The following SMG1 variants were observed in gnomAD, a reference collection of about 807,000 sequenced individuals.
SMG1 encodes the protein SMG1 nonsense mediated mRNA decay associated PI3K related kinase, also known as serine/threonine-protein kinase SMG1.
Under a neutral mutation model 419.9 loss-of-function variants are expected in SMG1, and 22 were observed. That is an observed-to-expected ratio of 0.05 (90% CI 0.04 to 0.07). The LOEUF (loss-of-function observed/expected upper bound fraction) is 0.07, where lower values mean the gene tolerates loss of function less well. Among genes scored for constraint, SMG1 ranks in the 10% least tolerant of loss-of-function variants. The pLI is 1.00. For missense variants in SMG1, 3,185 were observed against 4,342.0 expected (o/e 0.73, Z 7.49); for synonymous variants, 1,538 against 1,553.5 (o/e 0.99, Z 0.23).
At position 18,829,436 on chromosome 16, in the gene SMG1, G is replaced by A; in HGVS notation, c.9453C>T (p.Phe3151=). The A allele has an allele frequency of 1.2e-6, 2 of 1,614,020 alleles. No homozygotes were observed. Among genetic ancestry groups the A allele is most frequent in the Non-Finnish European group, 1.7e-6 (2 of 1,179,902 alleles). The change falls in exon 54 of 63, where the codon TTC becomes TTT. Residue 3151 remains phenylalanine, a synonymous_variant. Coordinates refer to ENST00000446231, the MANE Select transcript of SMG1 (RefSeq NM_015092.5). The stretch of plus-strand genomic sequence containing the variant: ...TTGCCCTGTTCATAACCAGCTGAGA[G>A]AACTTCCCTATCTGGATGTTATGTT... ...AVEHNIQIGK[F]SQLVMNRATV...
In SMG1 at chr16:18,850,095, T is replaced by A. The variant is rs1183394245; in HGVS notation, c.5315A>T (p.His1772Leu). 4 of 1,613,856 alleles carry A rather than the reference T, an allele frequency of 2.5e-6. No homozygotes were observed. The highest frequency in any genetic ancestry group is 3.4e-6 in the Non-Finnish European group (4 of 1,179,870). The change falls in exon 35 of 63, where the codon CAT (histidine) becomes CTT (leucine). Residue 1772 changes from histidine to leucine, a missense_variant. Physicochemically the swap from His to Leu is moderately conservative, Grantham distance 99. Around this residue, in one of 27 missense-constraint regions of SMG1, gnomAD observed 493 missense variants for 552.9 expected, o/e 0.89. Coordinates refer to ENST00000446231, the MANE Select transcript of SMG1 (RefSeq NM_015092.5). ...GCTCTGTTCCACTCTGTGACTTAAATGCAGCCTAGGGTCATCCTCATCTAA... is the reference window on the plus strand; with the variant it reads ...GCTCTGTTCCACTCTGTGACTTAAAAGCAGCCTAGGGTCATCCTCATCTAA... ...IPLDEDDPRL[H>L]LSHRVEQSTD...
At chr16:18,816,738 T>A (rs190251426) in intron 57 of SMG1, among the ~76,000 whole-genome samples, 118 of 152,354 alleles carry the variant, frequency 7.7e-4, no homozygotes, top group Non-Finnish European at 1.3e-3. Flanking sequence ...TTCTGCATAA[T>A]CATGCAGGCT....
At chr16:18,913,381 C>A (rs1198694529) in intron 1 of SMG1, among the ~76,000 whole-genome samples, 1 of 151,844 alleles carries the variant, frequency 6.6e-6, no homozygotes, top group Non-Finnish European at 1.5e-5. Flanking sequence ...ACACGTATCA[C>A]ACATATACAT....
Position 18,809,179 on chromosome 16 carries a change from GT to G in SMG1, c.*389del, listed in dbSNP as rs1231387759. On this transcript the variant is annotated 3_prime_UTR_variant, in exon 63 of 63. Transcript: ENST00000446231. ...TTTTCTCTGTTTCTGAGTGGGGTTT[GT>G]TTTTTTCCTGGATTGTACACACAGG... The G allele has an allele frequency of 2.4e-5, 4 of 168,478 alleles. No homozygotes were observed. Among genetic ancestry groups the G allele is most frequent in the Non-Finnish European group, 2.6e-5 (2 of 77,800 alleles). 10.4% of individuals were successfully genotyped at this position (168,478 alleles called of 1,614,324 possible). A position where few individuals can be genotyped will look rare whatever the true frequency, so the allele number is the denominator to read the frequency against.
chr16:18,876,667 T>G (rs1166144058), intron 12 of SMG1, among the ~76,000 whole-genome samples: 4 of 127,886 alleles, frequency 3.1e-5, no homozygotes, highest in Non-Finnish European at 5.5e-5. Context: ...AATGGCCGTT[T>G]TTTTTTTTTT....
At chr16:18,876,663 CGT>C (rs1491145029) in intron 12 of SMG1, among the ~76,000 whole-genome samples, 1 of 28,654 alleles carries the variant, frequency 3.5e-5, no homozygotes, top group African/African-American at 8.8e-5. Context: ...CCGAAATGGC[CGT>C]TTTTTTTTTT....
intron 40 of SMG1, 51 bp from the exon 41 acceptor site, chr16:18,841,845 G>T: frequency 6.8e-7 from 1 of 1,479,060 alleles, no homozygotes; most frequent in Non-Finnish European, 9.4e-7. Context: ...ACAGGGTTGG[G>T]AGCATACCAC....
chr16:18,907,142 T>C (rs12931986), intron 1 of SMG1, among the ~76,000 whole-genome samples: 78,334 of 151,576 alleles, frequency 0.52, 20,415 homozygotes, highest in Middle Eastern at 0.59. Flanking sequence ...ATTAGCTGGG[T>C]GTGGTGGCAG....
chr16:18,838,291 G>GT lies in SMG1; in HGVS notation c.7195-60dup, dbSNP rs547777512. The GT allele has an allele frequency of 3.6e-4, 576 of 1,608,308 alleles. 4 individuals carry two copies. The African/African-American group carries it at 6.0e-3, about 17-fold the overall frequency. On this transcript the variant is annotated intron_variant, in intron 44 of 62. Coordinates refer to ENST00000446231, the MANE Select transcript of SMG1 (RefSeq NM_015092.5). ...CCACAAGTTTCATCACTAAAGTGTGGTTTTCATTCCACAGGTTTTGCTCAT... is the reference window on the plus strand; with the variant it reads ...CCACAAGTTTCATCACTAAAGTGTGGTTTTTCATTCCACAGGTTTTGCTCAT...
chr16:18,827,206 C>G (rs1306821410), intron 55 of SMG1, among the ~76,000 whole-genome samples: 3 of 152,028 alleles, frequency 2.0e-5, no homozygotes, highest in Admixed American at 6.6e-5. Context: ...GTGGGCAGAT[C>G]ACCTGAGGTC....
chr16:18,864,059 C>T lies in SMG1; in HGVS notation c.3436G>A (p.Val1146Met). Residue 1146 changes from valine (V) to methionine (M), a missense_variant, in exon 24 of 63, where the codon GTG (valine) becomes ATG (methionine). This residue lies in a region of SMG1 where 121 missense variants were observed against 125.4 expected (regional missense o/e 0.96). Transcript: ENST00000446231. The part of the protein sequence containing the change: ...DCCISSFDKS[V>M]LTLANAGRNS... ...CGCCCAGCATTGGCTAAGGTGAGCA[C>T]CGATTTGTCAAAGCTGGAGATGCAG... 1 of 1,549,890 alleles carries T rather than the reference C, an allele frequency of 6.5e-7. No individual in the cohort carries two copies. The highest frequency in any genetic ancestry group is 8.7e-7 in the Non-Finnish European group (1 of 1,146,930).
intron 1 of SMG1, among the ~76,000 whole-genome samples, chr16:18,900,310 A>G (rs911182151): frequency 4.6e-5 from 7 of 152,210 alleles, no homozygotes; most frequent in African/African-American, 1.7e-4. Context: ...AAATATAGTT[A>G]CCACTTATTT....
At chr16:18,895,130 T>A (rs2037064835) in intron 3 of SMG1, among the ~76,000 whole-genome samples, 1 of 152,092 alleles carries the variant, frequency 6.6e-6, no homozygotes, top group African/African-American at 2.4e-5. Flanking sequence ...CCTCTGAACT[T>A]CCAAGGCACT....
intron 19 of SMG1, 104 bp downstream of exon 19, chr16:18,869,750 T>A (rs2035710928): frequency 9.8e-6 from 9 of 915,232 alleles, no homozygotes; most frequent in Middle Eastern, 3.2e-4. Flanking sequence ...TGTTACTTGA[T>A]ACTCTGCCAC....
chr16:18,846,544 C>T (rs1024020599), intron 38 of SMG1, among the ~76,000 whole-genome samples: 21 of 151,928 alleles, frequency 1.4e-4, no homozygotes, highest in African/African-American at 4.4e-4. Flanking sequence ...ACAAAAAACC[C>T]AATTAAAAAA....
At position 18,833,261 on chromosome 16, in the gene SMG1, TG is replaced by T. The variant is rs1434874138; in HGVS notation, c.8566-96del. 18 of 795,366 alleles carry T rather than the reference TG, an allele frequency of 2.3e-5. No homozygotes were observed. In the African/African-American group the frequency reaches 3.1e-4, roughly 14 times the overall value. The allele number at this position is 795,366 out of a possible 1,614,324, so 49.3% of individuals were successfully genotyped here. ...GAGCCATACATTAAGAGCAAACTTA[TG>T]TAACTATGCCATCAACTCATTCATG... On this transcript the variant is annotated intron_variant, in intron 50 of 62. Coordinates refer to ENST00000446231, the MANE Select transcript of SMG1 (RefSeq NM_015092.5).
intron 3 of SMG1, among the ~76,000 whole-genome samples, chr16:18,893,027 G>A (rs1011381100): frequency 6.6e-6 from 1 of 152,132 alleles, no homozygotes; most frequent in Non-Finnish European, 1.5e-5. Context: ...CCCGGGTGTA[G>A]GTAAATTAAA....
At chr16:18,868,930 A>C (rs1234258327) in intron 20 of SMG1, among the ~76,000 whole-genome samples, 174 bp downstream of exon 20, 1 of 152,230 alleles carries the variant, frequency 6.6e-6, no homozygotes, top group Non-Finnish European at 1.5e-5. Context: ...GGAAAAAAAA[A>C]CATATTTCCA....
chr16:18,887,848 T>C (rs992027773), intron 6 of SMG1, among the ~76,000 whole-genome samples: 39 of 128,606 alleles, frequency 3.0e-4, no homozygotes, highest in Admixed American at 2.5e-3. Context: ...TTTAATCACT[T>C]AAAATCTTAC....
Sources: allele counts gnomAD v4.1 joint callset (sites outside exome capture counted in the v4.1 genomes callset), GRCh38; gene constraint gnomAD v4.1.1; regional missense constraint gnomAD v4.1.1; transcripts MANE v1.5; gene names NCBI Gene and HGNC (gene_info 2026-07-23, HGNC 2026-07-21).